The following KCNT1 variants were observed in gnomAD, a reference collection of about 807,000 sequenced individuals.
The protein encoded by KCNT1 is potassium sodium-activated channel subfamily T member 1.
In KCNT1, 78 loss-of-function variants were observed where a neutral mutation model predicts 147.8. The observed-to-expected ratio is 0.53, with a 90% CI of 0.44 to 0.64. KCNT1 has a LOEUF of 0.64. Ranked by LOEUF, KCNT1 falls within the 30% of genes least tolerant of loss-of-function variation. KCNT1 has a pLI of 0.00. For missense variants in KCNT1, 1,419 were observed against 1,750.3 expected, an observed-to-expected ratio of 0.81 and a Z score of 3.38; for synonymous variants, 867 against 748.8, an observed-to-expected ratio of 1.16 and a Z score of -2.58.
At chr9:135,782,839 G>GCTCATCGCAC (rs1833710603) in intron 24 of KCNT1, among the ~76,000 whole-genome samples, 1 of 152,208 alleles carries the variant, frequency 6.6e-6, no homozygotes, top group Non-Finnish European at 1.5e-5. Context: ...GCCCATCGCA[G>GCTCATCGCAC]CTCATCGCAC....
Position 135,714,831 on chromosome 9 carries a change from C to A in KCNT1, c.254+111C>A. ...TCCCGCGCGCCCCCGCAGCCGCCGG[C>A]GCCCTTCAACTTTTCCCGGCTTCTG... On this transcript the variant is annotated intron_variant, in intron 2 of 30. Transcript: ENST00000371757. This position sits in a 1 kb window ranked among gnomAD's most constrained non-coding sequence, Gnocchi z 6.2. The A allele has an allele frequency of 1.3e-6, 1 of 766,980 alleles. No homozygotes were observed. Among genetic ancestry groups the A allele is most frequent in the Non-Finnish European group, 1.7e-6 (1 of 599,274 alleles). 47.5% of individuals were successfully genotyped at this position (766,980 alleles called of 1,614,324 possible). A position where few individuals can be genotyped will look rare whatever the true frequency, so the allele number is the denominator to read the frequency against.
chr9:135,732,040 A>AGAGAGAGAGAGG (rs1836504744), intron 2 of KCNT1, among the ~76,000 whole-genome samples: 1 of 135,422 alleles, frequency 7.4e-6, no homozygotes, highest in Non-Finnish European at 1.6e-5. Context: ...AGAGAGAGAG[A>AGAGAGAGAGAGG]GGGAGTCTCA....
At chr9:135,718,627 C>T (rs536910907) in intron 2 of KCNT1, among the ~76,000 whole-genome samples, 2 of 152,338 alleles carry the variant, frequency 1.3e-5, no homozygotes, top group South Asian at 4.1e-4. Context: ...CAACCATCAG[C>T]ACAGGGCAGG....
At chr9:135,710,908 C>T (rs1035212002) in intron 1 of KCNT1, among the ~76,000 whole-genome samples, 3 of 152,172 alleles carry the variant, frequency 2.0e-5, no homozygotes, top group Non-Finnish European at 4.4e-5. Context: ...GCTTCCAGTC[C>T]ATCTCTCAGG....
intron 2 of KCNT1, among the ~76,000 whole-genome samples, chr9:135,744,713 C>CCCAGGGCCAGGG (rs1043967144): frequency 6.6e-6 from 1 of 152,214 alleles, no homozygotes; most frequent in Admixed American, 6.5e-5. Context: ...TGACGGCTCT[C>CCCAGGGCCAGGG]CCAGGGCCAG....
intron 2 of KCNT1, among the ~76,000 whole-genome samples, chr9:135,725,717 C>T (rs920032167): frequency 2.6e-5 from 4 of 152,222 alleles, no homozygotes; most frequent in Non-Finnish European, 5.9e-5. Context: ...GAGGTTCCCA[C>T]GTGGAGCTGT....
At chr9:135,749,302 C>T (rs1831015471) in intron 2 of KCNT1, among the ~76,000 whole-genome samples, 1 of 152,194 alleles carries the variant, frequency 6.6e-6, no homozygotes, top group African/African-American at 2.4e-5. Flanking sequence ...ACGCAATCTC[C>T]CCACCCCACC....
At chr9:135,731,975 TATATATATATATATATAGAGAG>T (rs1836465007) in intron 2 of KCNT1, among the ~76,000 whole-genome samples, 1 of 26,444 alleles carries the variant, frequency 3.8e-5, no homozygotes, top group African/African-American at 1.3e-4. Flanking sequence ...TATATATATA[TATATATATATATATATAGAGAG>T]AGAGAGAGAG....
At position 135,786,515 on chromosome 9, in the gene KCNT1, G is replaced by T; in HGVS notation, c.3496G>T (p.Gly1166Cys). Residue 1166 changes from glycine (G) to cysteine (C), a missense_variant, in exon 29 of 31, where the codon GGC becomes TGC. Gly to Cys is a radical substitution (Grantham distance 159, BLOSUM62 -3). This residue lies in a region of KCNT1 where 306 missense variants were observed against 294.2 expected (regional missense o/e 1.04). Coordinates refer to ENST00000371757, the MANE Select transcript of KCNT1 (RefSeq NM_020822.3). Reference protein sequence around the residue: ...RMKHLGLPTTGYDEMNDHQNT... With the variant: ...RMKHLGLPTTCYDEMNDHQNT... ...GAAGCACCTGGGGCTGCCCACCACC[G>T]GCTACGGTAAGGGCACACGGCGCGG... 1 of 1,592,538 alleles carries T rather than the reference G, an allele frequency of 6.3e-7. No individual in the cohort carries two copies. Among genetic ancestry groups the T allele is most frequent in the Non-Finnish European group, 8.5e-7 (1 of 1,172,628 alleles).
chr9:135,728,711 G>A (rs1046921439), intron 2 of KCNT1, among the ~76,000 whole-genome samples: 1 of 152,228 alleles, frequency 6.6e-6, no homozygotes, highest in Non-Finnish European at 1.5e-5. Flanking sequence ...CCCAAGCCCA[G>A]CTTGGAGAGA....
At chr9:135,702,621 G>T (rs527478417) in intron 1 of KCNT1, among the ~76,000 whole-genome samples, 1 of 152,152 alleles carries the variant, frequency 6.6e-6, no homozygotes, top group African/African-American at 2.4e-5. Flanking sequence ...AAGCTGGGGG[G>T]AGCGGCCGTG....
chr9:135,729,540 C>CCTT (rs1482247967), intron 2 of KCNT1, among the ~76,000 whole-genome samples: 1 of 152,212 alleles, frequency 6.6e-6, no homozygotes, highest in Non-Finnish European at 1.5e-5. Flanking sequence ...AGACTTCTAC[C>CCTT]CTACAGAACT....
At chr9:135,703,104 C>G (rs1397741148) in intron 1 of KCNT1, 1 of 152,516 alleles carries the variant, frequency 6.6e-6, no homozygotes, top group African/African-American at 2.4e-5. Context: ...GCCCCAGGGT[C>G]CAGGTTCCCC....
intron 2 of KCNT1, among the ~76,000 whole-genome samples, chr9:135,727,456 T>TC (rs1836265140): frequency 1.6e-5 from 2 of 123,834 alleles, no homozygotes; most frequent in Non-Finnish European, 3.5e-5. Flanking sequence ...CTCTCTCTCT[T>TC]TCTCTCTCTC....
chr9:135,739,334 T>A (rs1588290047), intron 2 of KCNT1, among the ~76,000 whole-genome samples: 1 of 151,958 alleles, frequency 6.6e-6, no homozygotes, highest in African/African-American at 2.4e-5. Flanking sequence ...CCCCAGTGTC[T>A]ATGGCAGCCA....
At chr9:135,711,621 G>C (rs1835492708) in intron 1 of KCNT1, among the ~76,000 whole-genome samples, 1 of 152,250 alleles carries the variant, frequency 6.6e-6, no homozygotes, top group African/African-American at 2.4e-5. Flanking sequence ...GTCAGGGTCA[G>C]TGCACGTGAC....
chr9:135,731,985 TATATATAGAGAGAGAGAGAGAGAGAGAG>T, intron 2 of KCNT1, among the ~76,000 whole-genome samples: 1 of 23,272 alleles, frequency 4.3e-5, no homozygotes, highest in Non-Finnish European at 8.0e-5. Flanking sequence ...TATATATATA[TATATATAGAGAGAGAGAGAGAGAGAGAG>T]AGAGAGAGAG....
intron 2 of KCNT1, among the ~76,000 whole-genome samples, chr9:135,718,634 C>A (rs983961404): frequency 6.6e-6 from 1 of 152,200 alleles, no homozygotes; most frequent in Non-Finnish European, 1.5e-5. Context: ...CAGCACAGGG[C>A]AGGTGCAATG....
chr9:135,728,834 C>T (rs972705724), intron 2 of KCNT1, among the ~76,000 whole-genome samples: 14 of 152,282 alleles, frequency 9.2e-5, no homozygotes, highest in Admixed American at 6.5e-4. Context: ...TGGAACAGCT[C>T]CCACCAGGCG....
Sources: gnomAD v4.1 joint callset for allele counts (sites outside exome capture counted in the v4.1 genomes callset) on GRCh38, gnomAD v4.1.1 for gene constraint, gnomAD v4.1.1 regional missense constraint, Gnocchi (gnomAD v3.1) non-coding constraint, MANE v1.5 for transcripts, NCBI Gene and HGNC (gene_info 2026-07-23, HGNC 2026-07-21) for gene names.